The following TAF1 variants were observed in gnomAD, a reference collection of about 807,000 sequenced individuals.
TAF1 encodes the protein TATA-box binding protein associated factor 1, also known as transcription initiation factor TFIID subunit 1.
A neutral mutation model predicts 138.5 loss-of-function variants in TAF1; 2 were observed. The observed-to-expected ratio is 0.01, with a 90% CI of 0.01 to 0.05. The LOEUF (loss-of-function observed/expected upper bound fraction) is 0.05, where lower values mean the gene tolerates loss of function less well. TAF1 is among the 10% of genes least tolerant of loss of function. The pLI is 1.00. For missense variants in TAF1, 709 were observed against 1,478.0 expected, an observed-to-expected ratio of 0.48 and a Z score of 8.53; for synonymous variants, 437 against 503.2, an observed-to-expected ratio of 0.87 and a Z score of 1.76.
chrX:71,369,763 G>A (rs2032891403), intron 3 of TAF1, among the ~76,000 whole-genome samples: 2 of 107,986 alleles, frequency 1.9e-5, no homozygotes, highest in Non-Finnish European at 1.9e-5. Flanking sequence ...CCACCACCAC[G>A]CCTGGCTAAT....
chrX:71,494,461 G>T (rs2039358539), intron 13 of TAF1, among the ~76,000 whole-genome samples: 3 of 109,333 alleles, frequency 2.7e-5, no homozygotes, highest in South Asian at 3.8e-4. Context: ...TAGTTTTTTT[G>T]GCAATTTAAA....
chrX:71,420,572 A>G (rs56370839), intron 28 of TAF1: 3 of 1,208,744 alleles, frequency 2.5e-6, no homozygotes, highest in Non-Finnish European at 3.4e-6. Context: ...CTGCTTCTCT[A>G]CCTCGTTCTG....
chrX:71,527,717 ATGGCATCAAAATT>A (rs2040024520), intron 13 of TAF1: 1 of 114,538 alleles, frequency 8.7e-6, no homozygotes, highest in East Asian at 2.8e-4. Context: ...TGAAACAGTT[ATGGCATCAAAATT>A]GATAGCAACG....
At chrX:71,452,096 G>A (rs1397923259) in intron 32 of TAF1, among the ~76,000 whole-genome samples, 3 of 101,389 alleles carry the variant, frequency 3.0e-5, no homozygotes, top group Non-Finnish European at 4.1e-5. Context: ...GCGGCTGGCC[G>A]GGCGGGGGGC....
At chrX:71,422,748 A>T (rs1252529563) in intron 29 of TAF1, among the ~76,000 whole-genome samples, 12 of 109,176 alleles carry the variant, frequency 1.1e-4, no homozygotes, top group African/African-American at 3.7e-4. Context: ...TTATTTATTT[A>T]TTTTTTTTGA....
chrX:71,470,386 TTC>T (rs1181187140), downstream of TAF1, among the ~76,000 whole-genome samples: 4 of 110,241 alleles, frequency 3.6e-5, no homozygotes, highest in East Asian at 8.6e-4. Context: ...CCACAATATT[TTC>T]TGTGTGTATA....
At chrX:71,467,770 G>A (rs1394744678), downstream of TAF1, among the ~76,000 whole-genome samples, 1 of 111,708 alleles carries the variant, frequency 9.0e-6, no homozygotes, top group Non-Finnish European at 1.9e-5. Context: ...AGTGACATTC[G>A]TAACATCACT....
intron 2 of TAF1, 78 bp from the exon 3 acceptor site, chrX:71,367,976 A>G: frequency 2.8e-6 from 3 of 1,056,684 alleles, no homozygotes; most frequent in Non-Finnish European, 3.9e-6. Context: ...CAGCCTGTAC[A>G]TGTACTTTTA....
At chrX:71,393,971 G>T (rs1602524030) in intron 21 of TAF1, 96 bp from the exon 22 acceptor site, 1 of 917,460 alleles carries the variant, frequency 1.1e-6, no homozygotes, top group South Asian at 3.1e-5. Flanking sequence ...AGTGGATTTT[G>T]AGTATGCCTT....
Position 71,465,102 on chromosome X carries a change from C to T in TAF1, c.*1056C>T, listed in dbSNP as rs773251876. On this transcript the variant is annotated 3_prime_UTR_variant, in exon 38 of 38. Coordinates refer to ENST00000423759, the MANE Select transcript of TAF1 (RefSeq NM_004606.5). ...GGTACTCAGTAAATGTTCCTAGAAT[C>T]ATAAAATCCTCAACAGATATGTTAC... The T allele has an allele frequency of 9.0e-6, 1 of 110,546 alleles. No individual in the cohort carries two copies. Among genetic ancestry groups the T allele is most frequent in the East Asian group, 2.8e-4 (1 of 3,516 alleles). The allele number at this position is 110,546 out of a possible 1,213,427, so 9.1% of individuals were successfully genotyped here.
At position 71,464,296 on chromosome X, in the gene TAF1, C is replaced by T. The variant is rs905728599; in HGVS notation, c.*250C>T. 5.7e-5 allele frequency: 22 copies of T among 388,548 alleles called. No individual in the cohort carries two copies. The highest frequency in any genetic ancestry group is 9.2e-5 in the Non-Finnish European group (21 of 227,090). 32.0% of individuals were successfully genotyped at this position (388,548 alleles called of 1,213,427 possible). ...CTACCACTACGGAAAAGAGCAAGCT[C>T]ATTTTTCCGTGTCCTCCTTTATTTA... On this transcript the variant is annotated 3_prime_UTR_variant, in exon 38 of 38. Transcript: ENST00000423759.
chrX:71,390,878 C>A (rs1406083206), intron 18 of TAF1, among the ~76,000 whole-genome samples: 1 of 110,382 alleles, frequency 9.1e-6, no homozygotes, highest in Non-Finnish European at 1.9e-5. Flanking sequence ...GCCTGTAATC[C>A]CAGCTACTTG....
At chrX:71,397,551 T>A in intron 23 of TAF1, 85 bp downstream of exon 23, 1 of 1,054,517 alleles carries the variant, frequency 9.5e-7, no homozygotes, top group Non-Finnish European at 1.3e-6. Flanking sequence ...GGCGTGATCT[T>A]GGCTCATTGC....
At chrX:71,474,509 T>A (rs953477731) in intron 13 of TAF1, among the ~76,000 whole-genome samples, 1 of 111,569 alleles carries the variant, frequency 9.0e-6, no homozygotes, top group African/African-American at 3.3e-5. Context: ...CTGACTATTA[T>A]TGGCAGACAA....
intron 13 of TAF1, among the ~76,000 whole-genome samples, chrX:71,476,296 G>A (rs779609967): frequency 9.0e-6 from 1 of 110,950 alleles, no homozygotes; most frequent in East Asian, 2.8e-4. Flanking sequence ...AATAACTAAG[G>A]AGACAAACAG....
chrX:71,445,658 A>T (rs1569356020), intron 32 of TAF1, among the ~76,000 whole-genome samples: 1 of 111,632 alleles, frequency 9.0e-6, no homozygotes, highest in African/African-American at 3.3e-5. Context: ...CCATTCCACT[A>T]AATTTAGAAG....
intron 13 of TAF1, among the ~76,000 whole-genome samples, chrX:71,524,713 A>C (rs897433107): frequency 5.5e-5 from 6 of 108,778 alleles, no homozygotes; most frequent in South Asian, 4.0e-4. Context: ...GAGGCCAAGG[A>C]GGGCGGATCA....
intron 28 of TAF1, 95 bp downstream of exon 28, chrX:71,408,246 A>G (rs1353714832): frequency 1.0e-6 from 1 of 999,690 alleles, no homozygotes; most frequent in Non-Finnish European, 1.4e-6. Context: ...TGAGAGGACT[A>G]CAGTGTATTT....
chrX:71,416,786 A>G, intron 28 of TAF1: 1 of 268,748 alleles, frequency 3.7e-6, no homozygotes, highest in Non-Finnish European at 7.0e-6. Flanking sequence ...AGCTTCCTCT[A>G]GGTATCATCC....
Sources: allele counts gnomAD v4.1 joint callset (sites outside exome capture counted in the v4.1 genomes callset), GRCh38; gene constraint gnomAD v4.1.1; transcripts MANE v1.5; gene names NCBI Gene and HGNC (gene_info 2026-07-23, HGNC 2026-07-21).